The following NAV2 variants were observed in gnomAD, a reference collection of about 807,000 sequenced individuals.
The protein encoded by NAV2 is helicase, APC down-regulated 1.
A neutral mutation model predicts 223.2 loss-of-function variants in NAV2; 54 were observed. The ratio of observed to expected loss-of-function variants is 0.24; its 90% CI spans 0.19 to 0.30. NAV2 has a LOEUF of 0.30. NAV2 is among the 10% of genes least tolerant of loss of function. The probability of loss-of-function intolerance (pLI) is 1.00; values close to 1 mark genes in which losing one functional copy is unlikely to be tolerated. For synonymous variants in NAV2, 1,279 were observed against 1,239.3 expected (o/e 1.03, Z -0.67); for missense variants, 2,806 against 3,147.5 (o/e 0.89, Z 2.60).
intron 1 of NAV2, among the ~76,000 whole-genome samples, chr11:19,457,554 A>T (rs966514739): frequency 2.0e-5 from 3 of 152,206 alleles, no homozygotes; most frequent in Non-Finnish European, 4.4e-5. Context: ...AATTTTAATT[A>T]GGATGAGAAG....
intron 10 of NAV2, chr11:19,981,278 C>T (rs557260599): frequency 2.6e-5 from 4 of 152,168 alleles, no homozygotes; most frequent in Admixed American, 1.3e-4. Flanking sequence ...GAGGCTTTCC[C>T]GCTTTTCTGG....
intron 5 of NAV2, among the ~76,000 whole-genome samples, chr11:19,884,867 T>C (rs1313055489): frequency 6.6e-6 from 1 of 152,248 alleles, no homozygotes; most frequent in Admixed American, 6.5e-5. Context: ...TGAATCCATA[T>C]TGGGCAGAGG....
At chr11:19,935,424 G>A (rs1165490708) in intron 7 of NAV2, among the ~76,000 whole-genome samples, 1 of 152,154 alleles carries the variant, frequency 6.6e-6, no homozygotes, top group Non-Finnish European at 1.5e-5. Flanking sequence ...TACATAAAAT[G>A]CAAAGGCACA....
chr11:19,823,730 C>T (rs1233867813), intron 1 of NAV2, among the ~76,000 whole-genome samples: 1 of 152,152 alleles, frequency 6.6e-6, no homozygotes, highest in Non-Finnish European at 1.5e-5. Context: ...CATCAAAACA[C>T]TATCATTTAT....
In NAV2 at chr11:20,106,155, GTATATATATATATATATA is replaced by G. The variant is rs1554968868; in HGVS notation, c.6841+432_6841+449del. 1.7e-3 allele frequency among the ~76,000 whole-genome samples: 53 copies of G among 31,492 alleles called. 1 individual carries two copies. Among genetic ancestry groups the G allele is most frequent in the East Asian group, 0.016 (25 of 1,612 alleles). The allele number at this position is 31,492 out of a possible 152,430, so 20.7% of individuals were successfully genotyped here. ...TGTCCTTGTTCATATGTGTGTGTGT[GTATATATATATATATATA>G]TATGTGTGTGTATATATATATATAT... On this transcript the variant is annotated intron_variant, in intron 35 of 37. Transcript: ENST00000349880.
chr11:19,798,197 G>A (rs551644537), intron 1 of NAV2, among the ~76,000 whole-genome samples: 3 of 152,282 alleles, frequency 2.0e-5, no homozygotes, highest in Non-Finnish European at 2.9e-5. Context: ...GAGATGCAGT[G>A]TACCTACTCA....
At chr11:19,608,187 C>T (rs1268247365) in intron 1 of NAV2, among the ~76,000 whole-genome samples, 1 of 152,238 alleles carries the variant, frequency 6.6e-6, no homozygotes, top group Admixed American at 6.5e-5. Flanking sequence ...CTGTTCAGAG[C>T]TCTGTTGTTC....
chr11:19,861,685 T>A (rs767296218), intron 3 of NAV2, among the ~76,000 whole-genome samples: 52 of 152,202 alleles, frequency 3.4e-4, no homozygotes, highest in Admixed American at 1.7e-3. Context: ...CCTCTAAATA[T>A]CACTCCTTAG....
Position 19,835,785 on chromosome 11 carries a change from A to T in NAV2, c.385+3184A>T, listed in dbSNP as rs140630101. On this transcript the variant is annotated intron_variant, in intron 2 of 37. Coordinates refer to ENST00000349880, the MANE Select transcript of NAV2 (RefSeq NM_145117.5). ...CATAAAATTTTCTACATAAAATTTT[A>T]TATATATCTACATAAAATTTTCCCA... 2.0e-5 allele frequency among the ~76,000 whole-genome samples: 3 copies of T among 151,406 alleles called. No homozygotes were observed. In the East Asian group the frequency reaches 5.8e-4, roughly 29 times the overall value.
intron 6 of NAV2, among the ~76,000 whole-genome samples, chr11:19,921,409 T>C (rs1299661692): frequency 1.3e-5 from 2 of 152,228 alleles, no homozygotes; most frequent in African/African-American, 4.8e-5. Flanking sequence ...TTTGCCAGCA[T>C]CCTAAATTTT....
chr11:19,622,831 C>T (rs1471538888), intron 1 of NAV2, among the ~76,000 whole-genome samples: 3 of 152,106 alleles, frequency 2.0e-5, no homozygotes, highest in Non-Finnish European at 2.9e-5. Context: ...GTATTTTGCT[C>T]GTTAGTTGAT....
intron 3 of NAV2, among the ~76,000 whole-genome samples, chr11:19,843,590 A>G (rs1228767404): frequency 6.6e-6 from 1 of 152,196 alleles, no homozygotes; most frequent in African/African-American, 2.4e-5. Context: ...AGTTCAGAAA[A>G]CATTGGCTTA....
intron 1 of NAV2, among the ~76,000 whole-genome samples, chr11:19,407,932 G>A (rs968061779): frequency 3.3e-5 from 5 of 152,112 alleles, no homozygotes; most frequent in Non-Finnish European, 5.9e-5. Flanking sequence ...TAGCTTAACA[G>A]CAGACATTTC....
intron 22 of NAV2, among the ~76,000 whole-genome samples, chr11:20,070,487 A>G (rs949350399): frequency 2.6e-5 from 4 of 152,216 alleles, no homozygotes; most frequent in African/African-American, 7.2e-5. Context: ...TCTCTGTTCT[A>G]GAAGAGTCAG....
intron 3 of NAV2, among the ~76,000 whole-genome samples, chr11:19,852,312 G>A (rs532099996): frequency 2.7e-4 from 41 of 152,246 alleles, no homozygotes; most frequent in Non-Finnish European, 5.3e-4. Context: ...TGCTGTAAAT[G>A]TGGGTTCCTT....
intron 1 of NAV2, among the ~76,000 whole-genome samples, chr11:19,375,977 A>G (rs1848629875): frequency 6.6e-6 from 1 of 152,234 alleles, no homozygotes; most frequent in Non-Finnish European, 1.5e-5. Context: ...AAATATCTAT[A>G]GGTTTAAACT....
chr11:19,746,139 T>C (rs1472755467), intron 1 of NAV2, among the ~76,000 whole-genome samples: 2 of 152,212 alleles, frequency 1.3e-5, no homozygotes, highest in Non-Finnish European at 2.9e-5. Context: ...TCAGGTCAAA[T>C]GCAGCCTCGG....
intron 1 of NAV2, among the ~76,000 whole-genome samples, chr11:19,434,487 T>C (rs1160324983): frequency 3.3e-5 from 5 of 152,184 alleles, no homozygotes; most frequent in African/African-American, 1.2e-4. Context: ...AGTTTTTCAG[T>C]GTATCCTTGA....
chr11:20,081,976 G>T lies in NAV2; in HGVS notation c.5326-1031G>T, dbSNP rs538880088. On this transcript the variant is annotated intron_variant, in intron 25 of 37. Transcript: ENST00000349880. ...ATCCATTTCCTGCAACAGAGGCGGG[G>T]GGGAAAGAATTTTCAGATCCATCTC... is the stretch of plus-strand genomic sequence containing the variant. Among the ~76,000 whole-genome samples, 85 of 152,238 alleles carry T rather than the reference G, an allele frequency of 5.6e-4. No individual in the cohort carries two copies. The South Asian group carries it at 0.013, about 24-fold the overall frequency.
Sources: allele counts gnomAD v4.1 joint callset (sites outside exome capture counted in the v4.1 genomes callset), GRCh38; gene constraint gnomAD v4.1.1; transcripts MANE v1.5; gene names NCBI Gene and HGNC (gene_info 2026-07-23, HGNC 2026-07-21).